Variants in MAGI1 observed in about 807,000 individuals in gnomAD.
MAGI1 encodes membrane associated guanylate kinase, WW and PDZ domain containing 1.
Under a neutral mutation model 139.9 loss-of-function variants are expected in MAGI1, and 58 were observed. That is an observed-to-expected ratio of 0.41 (90% CI 0.34 to 0.52). The LOEUF (loss-of-function observed/expected upper bound fraction) is 0.52, where lower values mean the gene tolerates loss of function less well. Ranked by LOEUF, MAGI1 falls within the 20% of genes least tolerant of loss-of-function variation. The probability of loss-of-function intolerance (pLI) is 0.12; values close to 1 mark genes in which losing one functional copy is unlikely to be tolerated. For synonymous variants in MAGI1, 812 were observed against 737.9 expected (o/e 1.10, Z -1.63); for missense variants, 1,874 against 1,901.6 (o/e 0.99, Z 0.27).
chr3:65,849,001 CTTTTTTTTTTTTTTTTTTTTTTT>C (rs558270441), intron 1 of MAGI1, among the ~76,000 whole-genome samples: 6 of 39,644 alleles, frequency 1.5e-4, no homozygotes, highest in Admixed American at 3.9e-4. Flanking sequence ...TCAGAGCATT[CTTTTTTTTTTTTTTTTTTTTTTT>C]TTTTTTTTTT....
intron 1 of MAGI1, among the ~76,000 whole-genome samples, chr3:65,768,429 A>C (rs2107924263): frequency 6.6e-6 from 1 of 152,302 alleles, no homozygotes; most frequent in East Asian, 1.9e-4. Flanking sequence ...CAAAAAAAAA[A>C]AGAAATTACT....
chr3:65,985,774 G>T (rs1241865802), intron 1 of MAGI1, among the ~76,000 whole-genome samples: 1 of 152,188 alleles, frequency 6.6e-6, no homozygotes. Context: ...AGTTGGGATA[G>T]ACCCAGTTTG....
intron 1 of MAGI1, among the ~76,000 whole-genome samples, chr3:66,010,427 G>C (rs904452772): frequency 6.6e-6 from 1 of 152,064 alleles, no homozygotes; most frequent in Non-Finnish European, 1.5e-5. Flanking sequence ...GGAACTCTTA[G>C]CATGATATTC....
chr3:65,842,613 G>A (rs1473113983), intron 1 of MAGI1, among the ~76,000 whole-genome samples: 3 of 152,012 alleles, frequency 2.0e-5, no homozygotes, highest in Non-Finnish European at 2.9e-5. Flanking sequence ...CACCCACCTC[G>A]GCCTCCCAAA....
intron 16 of MAGI1, chr3:65,380,911 A>T (rs1298735703): frequency 6.6e-6 from 1 of 151,712 alleles, no homozygotes; most frequent in Non-Finnish European, 1.5e-5. Flanking sequence ...TATACCATTT[A>T]AAATGGGTTA....
At position 65,375,857 on chromosome 3, in the gene MAGI1, G is replaced by A; in HGVS notation, c.3084C>T (p.Asp1028=). Residue 1028 remains aspartate, a synonymous_variant, in exon 18 of 23, where the codon GAC becomes GAT. Transcript: ENST00000402939. ...ADRCGKLKVG[D]RILAVNGCSI... is the part of the protein sequence containing the mutation. Reference sequence around the variant, plus strand: ...AACATCCATTTACTGCCAAGATCCGGTCTCCTACTTTCAGCTTGCCACAGC... The same window carrying A: ...AACATCCATTTACTGCCAAGATCCGATCTCCTACTTTCAGCTTGCCACAGC... The A allele has an allele frequency of 6.2e-7, 1 of 1,614,114 alleles. No homozygotes were observed. The highest frequency in any genetic ancestry group is 1.1e-5 in the South Asian group (1 of 91,080).
At chr3:65,431,017 T>G in intron 10 of MAGI1, 136 bp from the exon 11 acceptor site, 2 of 794,274 alleles carry the variant, frequency 2.5e-6, no homozygotes, top group Non-Finnish European at 3.9e-6. Flanking sequence ...CTTAAGAAAG[T>G]CCTCTCTTAA....
intron 2 of MAGI1, among the ~76,000 whole-genome samples, chr3:65,504,785 G>C (rs574115622): frequency 1.3e-5 from 2 of 152,118 alleles, no homozygotes; most frequent in South Asian, 2.1e-4. Flanking sequence ...AGAATACTGA[G>C]GAGGACCAGA....
At chr3:65,831,907 AT>A (rs1321855151) in intron 1 of MAGI1, among the ~76,000 whole-genome samples, 1 of 152,226 alleles carries the variant, frequency 6.6e-6, no homozygotes, top group Non-Finnish European at 1.5e-5. Context: ...CAAAGTTGCA[AT>A]TCACATACTT....
At position 66,001,271 on chromosome 3, in the gene MAGI1, C is replaced by T. The variant is rs542027168; in HGVS notation, c.313+36725G>A. On this transcript the variant is annotated intron_variant, in intron 1 of 22. Coordinates refer to ENST00000402939, the MANE Select transcript of MAGI1 (RefSeq NM_001033057.2). ...GAAGACCTCCCAGGAGTAAAGAACT[C>T]ACCTCAGTGAGGTTTTCAAAAAGAA... 4.6e-4 allele frequency among the ~76,000 whole-genome samples: 70 copies of T among 152,180 alleles called. 1 individual carries two copies. The South Asian group carries it at 0.014, about 30-fold the overall frequency.
intron 1 of MAGI1, among the ~76,000 whole-genome samples, chr3:65,665,207 A>G (rs1350716631): frequency 6.6e-6 from 1 of 152,190 alleles, no homozygotes; most frequent in East Asian, 1.9e-4. Context: ...TGTGCTGGAT[A>G]TGCTTCATTC....
At chr3:65,440,410 C>T (rs1948197406) in intron 8 of MAGI1, among the ~76,000 whole-genome samples, 1 of 152,086 alleles carries the variant, frequency 6.6e-6, no homozygotes, top group African/African-American at 2.4e-5. Flanking sequence ...AGGATTTTAA[C>T]CACTGACCCC....
chr3:66,017,945 A>G (rs905251460), intron 1 of MAGI1, among the ~76,000 whole-genome samples: 3 of 152,196 alleles, frequency 2.0e-5, no homozygotes, highest in Non-Finnish European at 4.4e-5. Flanking sequence ...TGAGAGAAAA[A>G]GCAAACATCT....
intron 1 of MAGI1, chr3:65,720,017 A>G (rs376312185): frequency 3.3e-5 from 5 of 152,296 alleles, no homozygotes; most frequent in Admixed American, 1.3e-4. Context: ...GTTATTGTTG[A>G]CAGTATCTCA....
intron 5 of MAGI1, 98 bp downstream of exon 5, chr3:65,470,185 A>G (rs1321027221): frequency 9.2e-6 from 7 of 763,206 alleles, no homozygotes; most frequent in South Asian, 9.1e-5. Context: ...TGGGTGATCA[A>G]TCCCTTAAAT....
intron 1 of MAGI1, among the ~76,000 whole-genome samples, chr3:65,710,024 T>C (rs1378099013): frequency 1.3e-5 from 2 of 152,196 alleles, no homozygotes; most frequent in African/African-American, 4.8e-5. Context: ...ATGTGCCACA[T>C]AAAGCCCAAG....
At chr3:65,634,838 C>G (rs535303849) in intron 1 of MAGI1, among the ~76,000 whole-genome samples, 2 of 152,228 alleles carry the variant, frequency 1.3e-5, no homozygotes, top group African/African-American at 4.8e-5. Flanking sequence ...ACAACTGCAT[C>G]ATGGCTTGTA....
intron 18 of MAGI1, among the ~76,000 whole-genome samples, chr3:65,372,677 GTAGCCACCTTCA>G (rs1216846305): frequency 2.6e-5 from 4 of 152,292 alleles, no homozygotes; most frequent in African/African-American, 9.6e-5. Flanking sequence ...GTCATTTTGT[GTAGCCACCTTCA>G]TCCATGATCT....
chr3:65,549,454 A>T, intron 2 of MAGI1: 1 of 984,436 alleles, frequency 1.0e-6, no homozygotes, highest in Non-Finnish European at 1.2e-6. Context: ...TCACTGCCGG[A>T]GCCCAGGCGC....
Sources: allele counts gnomAD v4.1 joint callset (sites outside exome capture counted in the v4.1 genomes callset), GRCh38; gene constraint gnomAD v4.1.1; transcripts MANE v1.5; gene names NCBI Gene and HGNC (gene_info 2026-07-23, HGNC 2026-07-21).